Variants in DGKB observed in about 807,000 individuals in gnomAD.
DGKB encodes diacylglycerol kinase beta, also known as 90 kDa diacylglycerol kinase.
In DGKB, 67 loss-of-function variants were observed where a neutral mutation model predicts 114.3. That is an observed-to-expected ratio of 0.59 (90% CI 0.48 to 0.72). The LOEUF (loss-of-function observed/expected upper bound fraction) is 0.72. DGKB is among the 30% of genes least tolerant of loss of function. The pLI, the probability that DGKB is intolerant of heterozygous loss-of-function variation, is 0.00. For missense variants in DGKB, 907 were observed against 975.2 expected, an observed-to-expected ratio of 0.93 and a Z score of 0.93; for synonymous variants, 398 against 323.1, an observed-to-expected ratio of 1.23 and a Z score of -2.49.
chr7:14,959,825 A>T lies in DGKB; in HGVS notation c.-188+14871T>A, dbSNP rs745798365. 5.3e-5 allele frequency among the ~76,000 whole-genome samples: 8 copies of T among 152,110 alleles called. No homozygotes were observed. The South Asian group carries it at 6.2e-4, about 12-fold the overall frequency. ...CCTTCACTTTAAATCCATTTACCTA[A>T]AAGATTTTATCCCACTTCATATGAA... On this transcript the variant is annotated intron_variant, in intron 1 of 4. Coordinates refer to the DGKB transcript ENST00000437998.
rs544521884 is a variant in DGKB at position 14,766,649 on chromosome 7, C to T, written c.71-8918G>A. Among the ~76,000 whole-genome samples, 5 of 151,754 alleles carry T rather than the reference C, an allele frequency of 3.3e-5. No homozygotes were observed. The South Asian group carries it at 1.0e-3, about 31-fold the overall frequency. On this transcript the variant is annotated intron_variant, in intron 2 of 25. Coordinates refer to ENST00000402815, the MANE Select transcript of DGKB (RefSeq NM_001350709.2). ...CAATAGAGAAGCCTGGGCTGAAGAA[C>T]GAAATTTGAGTATAATTTCTATATA...
intron 2 of DGKB, among the ~76,000 whole-genome samples, chr7:14,808,696 A>G (rs905027102): frequency 2.6e-5 from 4 of 152,124 alleles, no homozygotes; most frequent in African/African-American, 9.6e-5. Flanking sequence ...ACTGATGAGA[A>G]TAGAATGTTT....
intron 21 of DGKB, among the ~76,000 whole-genome samples, chr7:14,348,597 T>TA (rs1460594649): frequency 1.3e-5 from 2 of 151,694 alleles, no homozygotes; most frequent in East Asian, 2.0e-4. Flanking sequence ...TGACTAAAAT[T>TA]AAAAAAAGTA....
At chr7:14,244,941 C>A (rs1189935352) in intron 23 of DGKB, among the ~76,000 whole-genome samples, 1 of 151,950 alleles carries the variant, frequency 6.6e-6, no homozygotes, top group East Asian at 1.9e-4. Context: ...TTATAACAGC[C>A]CAAATAGACT....
chr7:14,790,746 C>G (rs1307249743), intron 2 of DGKB, among the ~76,000 whole-genome samples: 2 of 152,108 alleles, frequency 1.3e-5, no homozygotes, highest in East Asian at 3.9e-4. Context: ...ACAAATTCCT[C>G]CCACTTTATT....
At chr7:14,590,252 C>G (rs759215736) in intron 17 of DGKB, among the ~76,000 whole-genome samples, 2 of 151,392 alleles carry the variant, frequency 1.3e-5, no homozygotes, top group Non-Finnish European at 2.9e-5. Flanking sequence ...TTAAATTCTC[C>G]TTAAGTCAGC....
At chr7:14,673,403 T>A (rs76611231) in intron 12 of DGKB, among the ~76,000 whole-genome samples, 1 of 147,496 alleles carries the variant, frequency 6.8e-6, no homozygotes, top group African/African-American at 2.5e-5. Context: ...GTGTATGCTT[T>A]TTTTTTTTTT....
chr7:14,874,277 C>A (rs913819855), intron 1 of DGKB, among the ~76,000 whole-genome samples: 1 of 152,016 alleles, frequency 6.6e-6, no homozygotes, highest in Non-Finnish European at 1.5e-5. Flanking sequence ...TACTAAACCA[C>A]ACTTGAACTG....
chr7:14,386,363 A>G (rs1410056576), intron 21 of DGKB, among the ~76,000 whole-genome samples: 1 of 152,204 alleles, frequency 6.6e-6, no homozygotes, highest in African/African-American at 2.4e-5. Context: ...AATTCTCAGA[A>G]TGAAAATAAA....
rs574808962 is a variant in DGKB at position 14,585,261 on chromosome 7, T to G, written c.1434-2124A>C. On this transcript the variant is annotated intron_variant, in intron 17 of 25. Coordinates refer to ENST00000402815, the MANE Select transcript of DGKB (RefSeq NM_001350709.2). ...TTTGCTTATACTAATATATATACAA[T>G]ATAATAAACACATATGTACCAGTTG... 3.3e-5 allele frequency among the ~76,000 whole-genome samples: 5 copies of G among 152,272 alleles called. No homozygotes were observed. In the South Asian group the frequency reaches 1.0e-3, roughly 32 times the overall value.
chr7:14,754,183 G>A (rs572088078), intron 3 of DGKB, among the ~76,000 whole-genome samples: 23 of 152,194 alleles, frequency 1.5e-4, no homozygotes, highest in African/African-American at 5.3e-4. Flanking sequence ...ATCTAAAACT[G>A]CGTGGGGTCG....
intron 3 of DGKB, among the ~76,000 whole-genome samples, chr7:14,754,537 G>A (rs544417218): frequency 1.3e-5 from 2 of 151,528 alleles, no homozygotes; most frequent in African/African-American, 4.9e-5. Context: ...TCAGCTGTGA[G>A]TGGAACAATT....
chr7:14,306,022 T>G (rs1224538610), intron 23 of DGKB, among the ~76,000 whole-genome samples: 1 of 152,150 alleles, frequency 6.6e-6, no homozygotes, highest in Non-Finnish European at 1.5e-5. Context: ...AAGATTAGAT[T>G]TATTCATCTA....
chr7:14,530,421 C>G (rs1791385731), intron 20 of DGKB, among the ~76,000 whole-genome samples: 1 of 151,316 alleles, frequency 6.6e-6, no homozygotes, highest in Non-Finnish European at 1.5e-5. Context: ...AGAAAAAAAC[C>G]CTGTATGGAA....
intron 1 of DGKB, among the ~76,000 whole-genome samples, chr7:14,847,169 T>C (rs1373017969): frequency 1.3e-5 from 2 of 151,702 alleles, no homozygotes; most frequent in Admixed American, 6.6e-5. Flanking sequence ...TGGGCACCTG[T>C]AGTCCCAGCT....
At chr7:14,352,645 T>A (rs1813694060) in intron 21 of DGKB, among the ~76,000 whole-genome samples, 1 of 152,126 alleles carries the variant, frequency 6.6e-6, no homozygotes. Context: ...ATTAAATCTT[T>A]ACTATTATTG....
At chr7:14,326,851 C>T in intron 23 of DGKB, among the ~76,000 whole-genome samples, 1 of 152,042 alleles carries the variant, frequency 6.6e-6, no homozygotes, top group Non-Finnish European at 1.5e-5. Context: ...ATTTTGATAT[C>T]TACATGTCCA....
intron 3 of DGKB, among the ~76,000 whole-genome samples, chr7:14,754,776 A>G (rs1834627723): frequency 6.6e-6 from 1 of 151,686 alleles, no homozygotes; most frequent in South Asian, 2.1e-4. Context: ...GGCTAATAAG[A>G]CTCTCTCCCC....
intron 21 of DGKB, among the ~76,000 whole-genome samples, chr7:14,360,016 T>A (rs375592393): frequency 2.6e-5 from 4 of 152,022 alleles, no homozygotes; most frequent in South Asian, 2.1e-4. Context: ...CATGCACAGG[T>A]ATGTTTATTG....
Sources: allele counts gnomAD v4.1 joint callset (sites outside exome capture counted in the v4.1 genomes callset), GRCh38; gene constraint gnomAD v4.1.1; transcripts MANE v1.5; gene names NCBI Gene and HGNC (gene_info 2026-07-23, HGNC 2026-07-21).